TAFA2: variants seen among roughly 807,000 people sequenced by gnomAD.
The protein encoded by TAFA2 is TAFA chemokine like family member 2.
In TAFA2, 7 loss-of-function variants were observed where a neutral mutation model predicts 18.8. The observed-to-expected ratio is 0.37, with a 90% CI of 0.21 to 0.70. The LOEUF (loss-of-function observed/expected upper bound fraction) is 0.70. TAFA2 is among the 30% of genes least tolerant of loss of function. The probability of loss-of-function intolerance (pLI) is 0.53; values close to 1 mark genes in which losing one functional copy is unlikely to be tolerated. For missense variants in TAFA2, 122 were observed against 158.1 expected, an observed-to-expected ratio of 0.77 and a Z score of 1.23; for synonymous variants, 60 against 54.2, an observed-to-expected ratio of 1.11 and a Z score of -0.47.
At chr12:61,743,729 C>T (rs1293265687) in intron 4 of TAFA2, among the ~76,000 whole-genome samples, 1 of 152,070 alleles carries the variant, frequency 6.6e-6, no homozygotes, top group Non-Finnish European at 1.5e-5. Context: ...TGTTATTTCT[C>T]AGCTGCATCT....
intron 1 of TAFA2, among the ~76,000 whole-genome samples, chr12:62,058,966 G>A (rs1286580373): frequency 1.3e-5 from 2 of 152,098 alleles, no homozygotes; most frequent in Non-Finnish European, 1.5e-5. Context: ...AGCCTGGCGT[G>A]GTGGCGGGCG....
chr12:62,044,413 G>T (rs1299450373), intron 1 of TAFA2, among the ~76,000 whole-genome samples: 2 of 152,050 alleles, frequency 1.3e-5, no homozygotes. Flanking sequence ...TGGGAAAGGG[G>T]CTATCAAAAG....
intron 1 of TAFA2, among the ~76,000 whole-genome samples, chr12:61,893,148 G>T (rs1401784140): frequency 6.6e-6 from 1 of 152,110 alleles, no homozygotes; most frequent in Admixed American, 6.6e-5. Context: ...ACAGAAAGAA[G>T]GTATCCCAAG....
At chr12:61,962,064 A>G (rs973415508) in intron 1 of TAFA2, among the ~76,000 whole-genome samples, 4 of 152,042 alleles carry the variant, frequency 2.6e-5, no homozygotes, top group African/African-American at 9.7e-5. Context: ...TTCACTACGT[A>G]TATTGATTTA....
At chr12:61,718,757 A>T (rs1189133583) in intron 4 of TAFA2, among the ~76,000 whole-genome samples, 1 of 152,114 alleles carries the variant, frequency 6.6e-6, no homozygotes, top group African/African-American at 2.4e-5. Context: ...CTAGGCTTTC[A>T]TTTGTAGAAG....
At chr12:61,911,567 G>T (rs1876614559) in intron 1 of TAFA2, among the ~76,000 whole-genome samples, 1 of 152,162 alleles carries the variant, frequency 6.6e-6, no homozygotes, top group Non-Finnish European at 1.5e-5. Flanking sequence ...AGGCACTGAA[G>T]ATCACCCCAA....
chr12:62,230,516 T>C (rs936855589), intron 1 of TAFA2, among the ~76,000 whole-genome samples: 5 of 152,208 alleles, frequency 3.3e-5, no homozygotes, highest in African/African-American at 9.6e-5. Flanking sequence ...TTTCTATGGT[T>C]TTCAAAGTTC....
intron 1 of TAFA2, among the ~76,000 whole-genome samples, chr12:61,951,094 A>G (rs1054467416): frequency 1.3e-5 from 2 of 152,114 alleles, no homozygotes; most frequent in Non-Finnish European, 2.9e-5. Context: ...AGAGACGAAA[A>G]AAGATCTCAG....
At chr12:62,094,403 G>A (rs1350024386) in intron 1 of TAFA2, among the ~76,000 whole-genome samples, 2 of 151,916 alleles carry the variant, frequency 1.3e-5, no homozygotes, top group African/African-American at 4.8e-5. Context: ...CTCAGATGAC[G>A]TGTGCAATAA....
intron 1 of TAFA2, among the ~76,000 whole-genome samples, chr12:62,043,491 A>T (rs1253632119): frequency 2.6e-5 from 4 of 152,130 alleles, no homozygotes; most frequent in Non-Finnish European, 2.9e-5. Flanking sequence ...GAGGGATAGC[A>T]TTAGGAGATA....
At chr12:61,747,631 C>G (rs1266320384) in intron 4 of TAFA2, among the ~76,000 whole-genome samples, 1 of 149,922 alleles carries the variant, frequency 6.7e-6, no homozygotes, top group African/African-American at 2.5e-5. Flanking sequence ...AACCAAACAC[C>G]GCATATTCTC....
At chr12:62,046,261 A>G (rs1361088833) in intron 1 of TAFA2, among the ~76,000 whole-genome samples, 1 of 152,138 alleles carries the variant, frequency 6.6e-6, no homozygotes, top group Admixed American at 6.6e-5. Context: ...AAGATAAGTC[A>G]GTTCTTGCAC....
At chr12:61,753,384 C>A (rs956846244) in intron 4 of TAFA2, among the ~76,000 whole-genome samples, 2 of 151,970 alleles carry the variant, frequency 1.3e-5, no homozygotes, top group Non-Finnish European at 2.9e-5. Flanking sequence ...TATGAAGGAG[C>A]AAACAGTGTT....
chr12:62,228,795 G>A (rs1488897977), intron 1 of TAFA2, among the ~76,000 whole-genome samples: 1 of 152,070 alleles, frequency 6.6e-6, no homozygotes, highest in Non-Finnish European at 1.5e-5. Flanking sequence ...TGAATCTGTA[G>A]AAAAATTTGG....
In TAFA2 at chr12:62,044,236, G is replaced by A. The variant is rs572394583; in HGVS notation, c.-2+147023C>T. Among the ~76,000 whole-genome samples the A allele has an allele frequency of 1.1e-4, 17 of 152,004 alleles. No homozygotes were observed. In the East Asian group the frequency reaches 1.2e-3, roughly 10 times the overall value. On this transcript the variant is annotated intron_variant, in intron 1 of 4. Transcript: ENST00000416284. ...TGTATTTCCTATTGTTTGAATTGCCGAAAGCTTTTTAGTTCAAGTTCTTAA... is the reference window on the plus strand; with the variant it reads ...TGTATTTCCTATTGTTTGAATTGCCAAAAGCTTTTTAGTTCAAGTTCTTAA...
At chr12:61,893,437 G>A (rs543413651) in intron 1 of TAFA2, among the ~76,000 whole-genome samples, 3 of 152,202 alleles carry the variant, frequency 2.0e-5, no homozygotes, top group East Asian at 1.9e-4. Flanking sequence ...ATGGGAGCAC[G>A]TAGGGTTGGG....
intron 1 of TAFA2, among the ~76,000 whole-genome samples, chr12:62,109,119 C>G (rs146822731): frequency 2.0e-5 from 3 of 152,022 alleles, no homozygotes; most frequent in East Asian, 3.8e-4. Flanking sequence ...TTAGGTTTTA[C>G]GTTTAAGTCT....
At chr12:62,025,278 A>T (rs1881275592) in intron 1 of TAFA2, among the ~76,000 whole-genome samples, 1 of 152,114 alleles carries the variant, frequency 6.6e-6, no homozygotes, top group African/African-American at 2.4e-5. Context: ...GAGGGAAACA[A>T]GGGCTGAAAA....
chr12:61,817,041 A>T (rs764030729), intron 2 of TAFA2, among the ~76,000 whole-genome samples: 5 of 151,332 alleles, frequency 3.3e-5, no homozygotes, highest in Non-Finnish European at 7.4e-5. Context: ...CTACTTCCAT[A>T]GCTCGCAGTC....
Sources: allele counts gnomAD v4.1 joint callset (sites outside exome capture counted in the v4.1 genomes callset), GRCh38; gene constraint gnomAD v4.1.1; transcripts MANE v1.5; gene names NCBI Gene and HGNC (gene_info 2026-07-23, HGNC 2026-07-21).